The following COMMD10 variants were observed in gnomAD, a reference collection of about 807,000 sequenced individuals.
The protein encoded by COMMD10 is COMM domain containing 10.
In COMMD10, 33 loss-of-function variants were observed where a neutral mutation model predicts 28.9. That is an observed-to-expected ratio of 1.14 (90% CI 0.87 to 1.53). COMMD10 has a LOEUF of 1.53. Among genes scored for constraint, COMMD10 ranks in the 40% most tolerant of loss-of-function variants. The probability of loss-of-function intolerance (pLI) is 0.00; values close to 1 mark genes in which losing one functional copy is unlikely to be tolerated. For missense variants in COMMD10, 310 were observed against 233.4 expected (o/e 1.33, Z -2.14); for synonymous variants, 110 against 81.7 (o/e 1.35, Z -1.87).
chr5:116,224,699 C>T (rs1749348659), intron 5 of COMMD10, among the ~76,000 whole-genome samples: 1 of 152,204 alleles, frequency 6.6e-6, no homozygotes, highest in African/African-American at 2.4e-5. Context: ...TCTAGGCCCA[C>T]CTCCAGCATT....
intron 5 of COMMD10, among the ~76,000 whole-genome samples, chr5:116,200,646 A>G (rs1330583430): frequency 6.7e-6 from 1 of 150,348 alleles, no homozygotes; most frequent in African/African-American, 2.4e-5. Context: ...TCAGTTTTGA[A>G]GTTTTCTGTT....
intron 5 of COMMD10, among the ~76,000 whole-genome samples, chr5:116,258,389 A>G (rs1013043740): frequency 6.6e-6 from 1 of 151,600 alleles, no homozygotes; most frequent in Non-Finnish European, 1.5e-5. Flanking sequence ...ATTTAAATTT[A>G]GCTTCCTACT....
intron 5 of COMMD10, among the ~76,000 whole-genome samples, chr5:116,207,688 G>C (rs553626925): frequency 3.3e-5 from 5 of 152,176 alleles, no homozygotes; most frequent in Admixed American, 1.3e-4. Flanking sequence ...ACCACACCCA[G>C]CTAATTTCTG....
chr5:116,174,235 A>C (rs1253955744), intron 5 of COMMD10, among the ~76,000 whole-genome samples: 1 of 152,130 alleles, frequency 6.6e-6, no homozygotes, highest in Non-Finnish European at 1.5e-5. Flanking sequence ...ACCAATTGCA[A>C]AGGCCCTGAG....
intron 5 of COMMD10, among the ~76,000 whole-genome samples, chr5:116,190,873 C>T (rs1379860957): frequency 6.6e-6 from 1 of 152,120 alleles, no homozygotes; most frequent in Non-Finnish European, 1.5e-5. Flanking sequence ...GGGAAACAAA[C>T]ACTTTAAGTG....
chr5:116,288,618 C>G (rs533555232), intron 5 of COMMD10, among the ~76,000 whole-genome samples: 1 of 151,730 alleles, frequency 6.6e-6, no homozygotes, highest in Non-Finnish European at 1.5e-5. Context: ...CCCTTATCAT[C>G]TCTTCACATT....
intron 5 of COMMD10, among the ~76,000 whole-genome samples, chr5:116,196,076 A>G (rs1748511291): frequency 6.6e-6 from 1 of 152,300 alleles, no homozygotes; most frequent in African/African-American, 2.4e-5. Context: ...CAGCAATCCC[A>G]CTACTGGGTA....
At chr5:116,130,993 C>G (rs918282199) in intron 4 of COMMD10, among the ~76,000 whole-genome samples, 13 of 151,544 alleles carry the variant, frequency 8.6e-5, no homozygotes, top group Non-Finnish European at 2.9e-5. Context: ...TTTATAATAT[C>G]AACAAAGAAG....
chr5:116,116,078 A>G (rs965989032), intron 4 of COMMD10, among the ~76,000 whole-genome samples: 4 of 152,190 alleles, frequency 2.6e-5, no homozygotes, highest in South Asian at 4.1e-4. Context: ...AAACTATTAT[A>G]TAGTGAAACT....
At chr5:116,134,979 C>T (rs1022753445) in intron 5 of COMMD10, among the ~76,000 whole-genome samples, 1 of 152,002 alleles carries the variant, frequency 6.6e-6, no homozygotes, top group Non-Finnish European at 1.5e-5. Flanking sequence ...ACAACTTGAA[C>T]GTGATTATTA....
rs577934366 is a variant in COMMD10, at chr5:116,258,431, C to A, written c.511-33086C>A. On this transcript the variant is annotated intron_variant, in intron 5 of 6. Transcript: ENST00000274458. ...ACACTACTATTGGACACCACCACATCTTTTTTTCTCTGGATTGATTTTTTT... is the reference window on the plus strand; with the variant it reads ...ACACTACTATTGGACACCACCACATATTTTTTTCTCTGGATTGATTTTTTT... 2.7e-5 allele frequency among the ~76,000 whole-genome samples: 4 copies of A among 149,830 alleles called. No homozygotes were observed. The South Asian group carries it at 8.3e-4, about 31-fold the overall frequency.
chr5:116,176,422 T>C (rs1033030885), intron 5 of COMMD10, among the ~76,000 whole-genome samples: 1 of 152,170 alleles, frequency 6.6e-6, no homozygotes, highest in African/African-American at 2.4e-5. Context: ...CCTGGACTTA[T>C]TCACTGTTCT....
chr5:116,240,065 C>T lies in COMMD10; in HGVS notation c.511-51452C>T, dbSNP rs957350605. On this transcript the variant is annotated intron_variant, in intron 5 of 6. Coordinates refer to ENST00000274458, the MANE Select transcript of COMMD10 (RefSeq NM_016144.4). ...ATACTTTGCTTTATAAAAGTGAGCA[C>T]AAGGACAGACAGGCAGAAAATAGTA... Among the ~76,000 whole-genome samples, 5 of 152,160 alleles carry T rather than the reference C, an allele frequency of 3.3e-5. No individual in the cohort carries two copies. The South Asian group carries it at 6.2e-4, about 19-fold the overall frequency.
intron 5 of COMMD10, among the ~76,000 whole-genome samples, chr5:116,189,641 A>G (rs1014729597): frequency 6.6e-6 from 1 of 152,206 alleles, no homozygotes; most frequent in South Asian, 2.1e-4. Flanking sequence ...CTGTTTGGCA[A>G]TATCTTATTA....
At chr5:116,178,004 G>C (rs1747785937) in intron 5 of COMMD10, among the ~76,000 whole-genome samples, 1 of 152,106 alleles carries the variant, frequency 6.6e-6, no homozygotes, top group African/African-American at 2.4e-5. Flanking sequence ...AACTTAAAAA[G>C]ATAGGGTTCA....
chr5:116,085,310 A>C (rs1250413127), intron 1 of COMMD10: 1 of 566,554 alleles, frequency 1.8e-6, no homozygotes, highest in African/African-American at 2.0e-5. Context: ...TGTGGGGCTC[A>C]CAGTGCGCCT....
chr5:116,162,245 T>G (rs1011125359), intron 5 of COMMD10, among the ~76,000 whole-genome samples: 1 of 152,178 alleles, frequency 6.6e-6, no homozygotes, highest in Non-Finnish European at 1.5e-5. Context: ...AGTTGCATAA[T>G]AGCTACCCAC....
In COMMD10 at chr5:116,163,782, C is replaced by G. The variant is rs560311748; in HGVS notation, c.510+29604C>G. On this transcript the variant is annotated intron_variant, in intron 5 of 6. Transcript: ENST00000274458. Reference sequence around the variant, plus strand: ...AACCACTTTTTGTTTAGAATACTTTCTATGCTTTTGAGTAAAGATGAAATT... The same window carrying G: ...AACCACTTTTTGTTTAGAATACTTTGTATGCTTTTGAGTAAAGATGAAATT... Among the ~76,000 whole-genome samples, 3 of 152,136 alleles carry G rather than the reference C, an allele frequency of 2.0e-5. No homozygotes were observed. The East Asian group carries it at 5.8e-4, about 29-fold the overall frequency.
chr5:116,204,155 C>T (rs7704561), intron 5 of COMMD10, among the ~76,000 whole-genome samples: 3,297 of 151,814 alleles, frequency 0.022, 62 homozygotes, highest in Non-Finnish European at 0.025. Flanking sequence ...GCCATTACAT[C>T]ATGGTAAAGG....
Sources: allele counts gnomAD v4.1 joint callset (sites outside exome capture counted in the v4.1 genomes callset), GRCh38; gene constraint gnomAD v4.1.1; transcripts MANE v1.5; gene names NCBI Gene and HGNC (gene_info 2026-07-23, HGNC 2026-07-21).